Variants in NPSR1 observed in about 807,000 individuals in gnomAD.
NPSR1 encodes the protein neuropeptide S receptor.
NPSR1 carries 48 observed loss-of-function variants against 46.9 expected under a neutral mutation model. That is an observed-to-expected ratio of 1.02 (90% CI 0.81 to 1.30). The LOEUF (loss-of-function observed/expected upper bound fraction) is 1.30, where lower values mean the gene tolerates loss of function less well. Ranked by LOEUF, NPSR1 falls within the 50% of genes most tolerant of loss-of-function variation. The pLI is 0.00. For missense variants in NPSR1, 450 were observed against 449.5 expected, an observed-to-expected ratio of 1.00 and a Z score of -0.01; for synonymous variants, 176 against 168.1, an observed-to-expected ratio of 1.05 and a Z score of -0.36.
intron 4 of NPSR1, among the ~76,000 whole-genome samples, chr7:34,823,412 AAAAACAAC>A (rs1789663717): frequency 6.8e-6 from 1 of 146,842 alleles, no homozygotes; most frequent in African/African-American, 2.6e-5. Context: ...AAAAAAAAAA[AAAAACAAC>A]ACCATAAATG....
At chr7:34,770,358 T>G (rs34789443) in intron 2 of NPSR1, among the ~76,000 whole-genome samples, 1 of 152,320 alleles carries the variant, frequency 6.6e-6, no homozygotes, top group African/African-American at 2.4e-5. Context: ...ACTTTTCTTA[T>G]AGCTTAGAAC....
intron 6 of NPSR1, among the ~76,000 whole-genome samples, chr7:34,835,658 A>G (rs1217163097): frequency 6.6e-6 from 1 of 152,114 alleles, no homozygotes; most frequent in Non-Finnish European, 1.5e-5. Flanking sequence ...CCCTAGAAGT[A>G]TGAGTGGAGA....
chr7:34,874,252 C>T (rs943388627), intron 8 of NPSR1, among the ~76,000 whole-genome samples: 7 of 152,148 alleles, frequency 4.6e-5, no homozygotes, highest in African/African-American at 1.7e-4. Flanking sequence ...TGTGCACCTC[C>T]CTTTGCTCAA....
At chr7:34,662,670 G>T (rs1212872901) in intron 1 of NPSR1, among the ~76,000 whole-genome samples, 1 of 152,042 alleles carries the variant, frequency 6.6e-6, no homozygotes, top group Non-Finnish European at 1.5e-5. Flanking sequence ...TACCAGTTTT[G>T]CTCGGTTAAA....
At chr7:34,875,378 A>G (rs543966503) in intron 8 of NPSR1, among the ~76,000 whole-genome samples, 58 of 152,310 alleles carry the variant, frequency 3.8e-4, no homozygotes, top group African/African-American at 1.4e-3. Flanking sequence ...CACATTGAAG[A>G]TTGAGAAGCC....
intron 6 of NPSR1, among the ~76,000 whole-genome samples, chr7:34,840,222 C>T (rs1701728961): frequency 6.6e-6 from 1 of 152,106 alleles, no homozygotes; most frequent in Admixed American, 6.5e-5. Flanking sequence ...AGAGAGGGAG[C>T]ACCTCAGATG....
chr7:34,687,735 A>G (rs1793011269), intron 2 of NPSR1, among the ~76,000 whole-genome samples: 11 of 152,208 alleles, frequency 7.2e-5, no homozygotes, highest in Admixed American at 7.2e-4. Flanking sequence ...CTGTGCTTGC[A>G]AAAATTTTGA....
intron 8 of NPSR1, among the ~76,000 whole-genome samples, chr7:34,857,257 G>A (rs1221439801): frequency 6.6e-6 from 1 of 151,682 alleles, no homozygotes; most frequent in Non-Finnish European, 1.5e-5. Flanking sequence ...AACTTGGTAA[G>A]TTGTCTCTAA....
At chr7:34,878,080 A>G (rs1791617862) in exon 9 of NPSR1, 1 of 1,602,162 alleles carries the variant, frequency 6.2e-7, no homozygotes, top group Non-Finnish European at 8.5e-7. Context: ...TCCCAGGGTC[A>G]TCCGTCTCCG....
chr7:34,856,912 G>C (rs1020705838), intron 8 of NPSR1, among the ~76,000 whole-genome samples: 1 of 151,456 alleles, frequency 6.6e-6, no homozygotes, highest in Non-Finnish European at 1.5e-5. Flanking sequence ...TATGTAGATG[G>C]GGGGGGAAAT....
At chr7:34,716,668 T>C (rs534873684) in intron 2 of NPSR1, among the ~76,000 whole-genome samples, 4 of 152,272 alleles carry the variant, frequency 2.6e-5, no homozygotes, top group African/African-American at 9.6e-5. Context: ...AATATTATGA[T>C]ATCACCAGGT....
At chr7:34,740,256 C>T (rs1192308592) in intron 2 of NPSR1, among the ~76,000 whole-genome samples, 4 of 151,972 alleles carry the variant, frequency 2.6e-5, no homozygotes, top group Non-Finnish European at 5.9e-5. Context: ...CCCACCATGC[C>T]CCGCCAACAG....
chr7:34,690,643 G>A (rs323925), intron 2 of NPSR1, among the ~76,000 whole-genome samples: 18,409 of 152,170 alleles, frequency 0.12, 1,193 homozygotes, highest in Middle Eastern at 0.17. Context: ...TTCAGAACTA[G>A]AAGACATCTT....
At chr7:34,869,683 G>A (rs2128769810) in intron 8 of NPSR1, among the ~76,000 whole-genome samples, 1 of 151,846 alleles carries the variant, frequency 6.6e-6, no homozygotes, top group African/African-American at 2.4e-5. Flanking sequence ...TTTATCAAGT[G>A]CCAACTCTAT....
intron 4 of NPSR1, among the ~76,000 whole-genome samples, chr7:34,824,463 G>A (rs535618927): frequency 6.6e-6 from 1 of 152,252 alleles, no homozygotes; most frequent in South Asian, 2.1e-4. Flanking sequence ...TGGCAAATGG[G>A]CTCAGCTGCC....
intron 3 of NPSR1, among the ~76,000 whole-genome samples, chr7:34,808,716 G>A (rs1333964644): frequency 6.6e-6 from 1 of 152,018 alleles, no homozygotes; most frequent in Non-Finnish European, 1.5e-5. Flanking sequence ...TGAGAAAACT[G>A]TTCTGTGCCT....
chr7:34,873,082 G>A (rs1365118834), intron 8 of NPSR1, among the ~76,000 whole-genome samples: 1 of 151,752 alleles, frequency 6.6e-6, no homozygotes, highest in Non-Finnish European at 1.5e-5. Flanking sequence ...TTAGGGCCTG[G>A]ACAAAATGCA....
At chr7:34,751,062 C>T in intron 2 of NPSR1, 2 of 782,378 alleles carry the variant, frequency 2.6e-6, no homozygotes, top group South Asian at 1.4e-5. Flanking sequence ...GGCCATCTCA[C>T]TCACCTGCCC....
At chr7:34,692,646 GA>G (rs1793324708) in intron 2 of NPSR1, among the ~76,000 whole-genome samples, 2 of 151,668 alleles carry the variant, frequency 1.3e-5, no homozygotes, top group Admixed American at 1.3e-4. Context: ...AAGGAACAAG[GA>G]AAGCGAGAAC....
Sources: allele counts gnomAD v4.1 joint callset (sites outside exome capture counted in the v4.1 genomes callset), GRCh38; gene constraint gnomAD v4.1.1; transcripts MANE v1.5; gene names NCBI Gene and HGNC (gene_info 2026-07-23, HGNC 2026-07-21).